Variants in ANG observed in about 807,000 individuals in gnomAD.
The protein encoded by ANG is Homo sapiens epididymis luminal protein 168.
For missense variants in ANG, 178 were observed against 187.4 expected, an observed-to-expected ratio of 0.95 and a Z score of 0.29; for synonymous variants, 74 against 73.8, an observed-to-expected ratio of 1.00 and a Z score of -0.02.
upstream of ANG, chr14:20,688,617 C>A (rs1488144768): frequency 3.5e-6 from 3 of 853,744 alleles, no homozygotes; most frequent in Non-Finnish European, 4.2e-6. Flanking sequence ...ATCTCTAATC[C>A]ATTCAGGTGG....
Position 20,694,065 on chromosome 14 carries a change from T to G in ANG, c.*57T>G. 1.3e-6 allele frequency: 2 copies of G among 1,597,650 alleles called. No homozygotes were observed. Among genetic ancestry groups the G allele is most frequent in the Non-Finnish European group, 1.7e-6 (2 of 1,165,198 alleles). ...CTGTCCTTGCCTTCCATTTCCCCTCTGCACCCAGAACAGTGGTGGCAACAT... is the reference window on the plus strand; with the variant it reads ...CTGTCCTTGCCTTCCATTTCCCCTCGGCACCCAGAACAGTGGTGGCAACAT... On this transcript the variant is annotated 3_prime_UTR_variant, in exon 2 of 2. Coordinates refer to ENST00000397990, the MANE Select transcript of ANG (RefSeq NM_001097577.3).
upstream of ANG, among the ~76,000 whole-genome samples, chr14:20,685,764 C>T (rs960175500): frequency 2.0e-5 from 3 of 151,996 alleles, no homozygotes; most frequent in African/African-American, 7.2e-5. Context: ...TGTGTGGGCC[C>T]GGCACGGTGG....
intron 1 of ANG, among the ~76,000 whole-genome samples, chr14:20,692,994 C>T (rs556366661): frequency 6.6e-6 from 1 of 151,890 alleles, no homozygotes; most frequent in East Asian, 1.9e-4. Context: ...ACTACAGGCG[C>T]CCGCCACTAC....
upstream of ANG, among the ~76,000 whole-genome samples, chr14:20,687,101 T>C (rs117730041): frequency 0.026 from 3,905 of 152,366 alleles, 66 homozygotes; most frequent in South Asian, 0.043. Flanking sequence ...TTCATTTGTA[T>C]TAAAATTACT....
At chr14:20,685,555 A>C (rs1886383713), upstream of ANG, among the ~76,000 whole-genome samples, 1 of 152,256 alleles carries the variant, frequency 6.6e-6, no homozygotes, top group African/African-American at 2.4e-5. Context: ...CCACAGAGCC[A>C]CTAACAAGTT....
In ANG at chr14:20,693,552, T is replaced by A; in HGVS notation, c.-13T>A. 6.2e-7 allele frequency: 1 copy of A among 1,611,574 alleles called. No individual in the cohort carries two copies. Among genetic ancestry groups the A allele is most frequent in the Non-Finnish European group, 8.5e-7 (1 of 1,180,024 alleles). On this transcript the variant is annotated 5_prime_UTR_variant, in exon 2 of 2. Transcript: ENST00000397990. ...CCTCCTTTTGCCCTCCGCAGGAGCCTGTGTTGGAAGAGATGGTGATGGGCC... is the reference window on the plus strand; with the variant it reads ...CCTCCTTTTGCCCTCCGCAGGAGCCAGTGTTGGAAGAGATGGTGATGGGCC...
chr14:20,686,604 A>T (rs1886437762), upstream of ANG, among the ~76,000 whole-genome samples: 1 of 152,240 alleles, frequency 6.6e-6, no homozygotes, highest in Admixed American at 6.5e-5. Context: ...CACAAAGCCC[A>T]GAGTTGGTTG....
chr14:20,689,742 C>A (rs1886613014), intron 1 of ANG, among the ~76,000 whole-genome samples: 1 of 152,028 alleles, frequency 6.6e-6, no homozygotes, highest in Non-Finnish European at 1.5e-5. Context: ...CATGGCGAAA[C>A]CCCGTCTCTA....
At chr14:20,690,419 ATCTG>A (rs943563207) in intron 1 of ANG, among the ~76,000 whole-genome samples, 5 of 152,056 alleles carry the variant, frequency 3.3e-5, no homozygotes, top group African/African-American at 4.8e-5. Flanking sequence ...ACCACAAACG[ATCTG>A]TCTCTTACTG....
At chr14:20,687,520 C>T (rs895155390), upstream of ANG, among the ~76,000 whole-genome samples, 1 of 152,140 alleles carries the variant, frequency 6.6e-6, no homozygotes, top group Non-Finnish European at 1.5e-5. Flanking sequence ...GGCAGGGTAC[C>T]GCTTTTCGGG....
rs371992400 is a variant in ANG at position 20,692,939 on chromosome 14, C to G, written c.-18-608C>G. On this transcript the variant is annotated intron_variant, in intron 1 of 1. Transcript: ENST00000397990. ...CTCGGCTCACTGCAAGCTCCGCCTC[C>G]CGGGTTCACGCCATTCTCCTGCCTC... Among the ~76,000 whole-genome samples, 115 of 152,266 alleles carry G rather than the reference C, an allele frequency of 7.6e-4. 1 individual carries two copies. In the East Asian group the frequency reaches 0.021, roughly 27 times the overall value.
upstream of ANG, among the ~76,000 whole-genome samples, chr14:20,688,039 A>G (rs1410791822): frequency 1.3e-5 from 2 of 152,212 alleles, no homozygotes; most frequent in Non-Finnish European, 2.9e-5. Context: ...TACGCAAGCA[A>G]TGGATCTACA....
At chr14:20,693,492 C>T in intron 1 of ANG, 55 bp from the exon 2 acceptor site, 1 of 1,600,212 alleles carries the variant, frequency 6.2e-7, no homozygotes, top group Non-Finnish European at 8.5e-7. Context: ...GTCCTTTTGG[C>T]CTAATTTGGT....
chr14:20,691,729 A>G (rs1886761107), intron 1 of ANG, among the ~76,000 whole-genome samples: 2 of 152,266 alleles, frequency 1.3e-5, no homozygotes, highest in African/African-American at 4.8e-5. Flanking sequence ...TCATTCCACA[A>G]TAATGGAGTA....
At chr14:20,693,025 T>G (rs898345262) in intron 1 of ANG, among the ~76,000 whole-genome samples, 1 of 151,538 alleles carries the variant, frequency 6.6e-6, no homozygotes, top group Non-Finnish European at 1.5e-5. Flanking sequence ...TTTTTTGTAT[T>G]TTTAGTAGAG....
At position 20,693,927 on chromosome 14, in the gene ANG, A is replaced by G. The variant is rs2228653; in HGVS notation, c.363A>G (p.Thr121=). 1 of 1,614,038 alleles carries G rather than the reference A, an allele frequency of 6.2e-7. No individual in the cohort carries two copies. ...SPWPPCQYRA[T]AGFRNVVVAC... ...GGCCTCCATGCCAGTACCGAGCCAC[A>G]GCGGGGTTCAGAAACGTTGTTGTTG... The change falls in exon 2 of 2, where the codon ACA becomes ACG. Residue 121 remains threonine, a synonymous_variant. Coordinates refer to ENST00000397990, the MANE Select transcript of ANG (RefSeq NM_001097577.3).
chr14:20,694,185 A>T (rs755739897), downstream of ANG: 1 of 709,254 alleles, frequency 1.4e-6, no homozygotes, highest in Non-Finnish European at 2.4e-6. Context: ...TATCAGTAAG[A>T]ATCAGAGTCT....
In ANG at chr14:20,693,998, G is replaced by A. The variant is rs763580010; in HGVS notation, c.434G>A (p.Arg145His). 2.1e-5 allele frequency: 34 copies of A among 1,613,900 alleles called. No homozygotes were observed. The highest frequency in any genetic ancestry group is 5.5e-5 in the South Asian group (5 of 91,068). Residue 145 changes from arginine (R) to histidine (H), a missense_variant, in exon 2 of 2, where the codon CGT (arginine) becomes CAT (histidine). Physicochemically the swap from Arg to His is conservative, Grantham distance 29. Transcript: ENST00000397990. The part of the protein sequence containing the change: ...LPVHLDQSIF[R>H]RP ...GTCCACTTGGATCAGTCAATTTTCC[G>A]TCGTCCGTAACCAGCGGGCCCCTGG...
intron 1 of ANG, among the ~76,000 whole-genome samples, chr14:20,690,181 G>A (rs539551998): frequency 2.9e-3 from 332 of 113,870 alleles, no homozygotes; most frequent in South Asian, 5.0e-3. Context: ...CGCCACTGCA[G>A]TCCGCAGTCC....
Sources: allele counts gnomAD v4.1 joint callset (sites outside exome capture counted in the v4.1 genomes callset), GRCh38; gene constraint gnomAD v4.1.1; transcripts MANE v1.5; gene names NCBI Gene and HGNC (gene_info 2026-07-23, HGNC 2026-07-21).